DYRK1A: variants seen among roughly 807,000 people sequenced by gnomAD.
DYRK1A encodes the protein dual specificity tyrosine phosphorylation regulated kinase 1A, also known as dual specificity tyrosine-phosphorylation-regulated kinase 1A.
A neutral mutation model predicts 79.7 loss-of-function variants in DYRK1A; 9 were observed. That is an observed-to-expected ratio of 0.11 (90% CI 0.07 to 0.20). The LOEUF (loss-of-function observed/expected upper bound fraction) is 0.20. Ranked by LOEUF, DYRK1A falls within the 10% of genes least tolerant of loss-of-function variation. The pLI is 1.00. For missense variants in DYRK1A, 622 were observed against 956.0 expected (o/e 0.65, Z 4.61); for synonymous variants, 349 against 329.7 (o/e 1.06, Z -0.63).
intron 2 of DYRK1A, among the ~76,000 whole-genome samples, chr21:37,438,411 TTTG>T (rs975820722): frequency 1.2e-4 from 18 of 150,828 alleles, no homozygotes; most frequent in African/African-American, 2.5e-4. Context: ...TTTGCCTATG[TTTG>T]TTGTTGTTTT....
chr21:37,402,930 A>C lies in DYRK1A; in HGVS notation c.-76-17369A>C, dbSNP rs139061363. ...AGGTATGCACCACTATGCCTGCCTAATTTTTGTATTTTTAGTAGAGATGGG... is the reference window on the plus strand; with the variant it reads ...AGGTATGCACCACTATGCCTGCCTACTTTTTGTATTTTTAGTAGAGATGGG... On this transcript the variant is annotated intron_variant, in intron 1 of 11. Transcript: ENST00000647188. Among the ~76,000 whole-genome samples the C allele has an allele frequency of 3.5e-3, 534 of 151,936 alleles. 2 individuals carry two copies. The Middle Eastern group carries it at 0.045, about 13-fold the overall frequency.
chr21:37,431,499 G>A (rs191411935), intron 2 of DYRK1A, among the ~76,000 whole-genome samples: 3 of 152,240 alleles, frequency 2.0e-5, no homozygotes, highest in Admixed American at 6.5e-5. Context: ...TTTGGGTTTC[G>A]ACCGGGTGTT....
At chr21:37,428,279 G>A (rs1279388677) in intron 2 of DYRK1A, among the ~76,000 whole-genome samples, 2 of 152,158 alleles carry the variant, frequency 1.3e-5, no homozygotes, top group Non-Finnish European at 2.9e-5. Context: ...TTTTTGTATG[G>A]GAGAACTAAG....
intron 2 of DYRK1A, among the ~76,000 whole-genome samples, chr21:37,442,503 A>G (rs904253625): frequency 6.6e-6 from 1 of 152,086 alleles, no homozygotes; most frequent in African/African-American, 2.4e-5. Context: ...TTTCTGTACT[A>G]TCTAACCTTT....
At position 37,512,499 on chromosome 21, in the gene DYRK1A, T is replaced by G; in HGVS notation, c.2233T>G (p.Cys745Gly). The G allele has an allele frequency of 6.2e-7, 1 of 1,614,162 alleles. No homozygotes were observed. Reference sequence around the variant, plus strand: ...AGAAGAGTCCCCCATGACAGGAGTTTGTGTGCAACAGAGTCCTGTAGCTAG... The same window carrying G: ...AGAAGAGTCCCCCATGACAGGAGTTGGTGTGCAACAGAGTCCTGTAGCTAG... ...DREESPMTGV[C>G]VQQSPVASS The change falls in exon 12 of 12, where the codon TGT becomes GGT. Residue 745 changes from cysteine (C) to glycine (G), a missense_variant. This residue lies in a region of DYRK1A where 292 missense variants were observed against 316.7 expected (regional missense o/e 0.92). Coordinates refer to ENST00000647188, the MANE Select transcript of DYRK1A (RefSeq NM_001347721.2).
chr21:37,380,646 A>G (rs192518250), intron 1 of DYRK1A, among the ~76,000 whole-genome samples: 2 of 152,292 alleles, frequency 1.3e-5, no homozygotes, highest in African/African-American at 4.8e-5. Context: ...GGGAAGGTCA[A>G]AGAATAAGGA....
intron 2 of DYRK1A, among the ~76,000 whole-genome samples, chr21:37,457,993 A>G (rs2051709380): frequency 6.6e-6 from 1 of 152,214 alleles, no homozygotes; most frequent in African/African-American, 2.4e-5. Flanking sequence ...GGCATAGCTG[A>G]AGGTCTGAGG....
At chr21:37,366,609 G>C (rs1426561495), upstream of DYRK1A, among the ~76,000 whole-genome samples, 3 of 151,880 alleles carry the variant, frequency 2.0e-5, no homozygotes, top group Admixed American at 2.0e-4. Flanking sequence ...GACCTGAGGG[G>C]GTTGGGTGGT....
chr21:37,439,620 GA>G (rs2051030917), intron 2 of DYRK1A, among the ~76,000 whole-genome samples: 1 of 152,156 alleles, frequency 6.6e-6, no homozygotes, highest in Admixed American at 6.5e-5. Context: ...TGCTTCTTAT[GA>G]GAGTCTAATG....
At chr21:37,469,500 C>T (rs942379784) in intron 2 of DYRK1A, among the ~76,000 whole-genome samples, 6 of 152,164 alleles carry the variant, frequency 3.9e-5, no homozygotes, top group Non-Finnish European at 7.3e-5. Flanking sequence ...ATACCTGAGA[C>T]TGGGCAATTT....
rs2053831413 is a variant in DYRK1A at position 37,513,942 on chromosome 21, G to A, written c.*1411G>A. On this transcript the variant is annotated 3_prime_UTR_variant, in exon 12 of 12. Transcript: ENST00000647188. ...AGTTGAAAATTATGGCTGTACTATT[G>A]CTTAAACAAAACTGGAACTGTTGTT... The A allele has an allele frequency of 6.6e-6, 1 of 152,518 alleles. No individual in the cohort carries two copies. Among genetic ancestry groups the A allele is most frequent in the African/African-American group, 2.4e-5 (1 of 41,392 alleles). 9.4% of individuals were successfully genotyped at this position (152,518 alleles called of 1,614,324 possible).
chr21:37,490,229 T>C lies in DYRK1A; in HGVS notation c.692T>C (p.Met231Thr). 6.2e-7 allele frequency: 1 copy of C among 1,613,780 alleles called. No homozygotes were observed. Among genetic ancestry groups the C allele is most frequent in the Non-Finnish European group, 8.5e-7 (1 of 1,179,726 alleles). ...AACCATCTCTGTTTAGTTTTTGAAA[T>C]GCTGTCCTACAACCTCTATGACTTG... The part of the protein sequence containing the change: ...FRNHLCLVFE[M>T]LSYNLYDLLR... The change falls in exon 7 of 12, where the codon ATG becomes ACG. Residue 231 changes from methionine (M) to threonine (T), a missense_variant. Physicochemically the swap from Met to Thr is moderately conservative, Grantham distance 81 (BLOSUM62 -1). Around this residue, in one of 5 missense-constraint regions of DYRK1A, gnomAD observed 138 missense variants for 346.4 expected, o/e 0.40. Transcript: ENST00000647188.
chr21:37,397,900 G>A (rs2049984230), intron 1 of DYRK1A, among the ~76,000 whole-genome samples: 1 of 151,834 alleles, frequency 6.6e-6, no homozygotes, highest in Non-Finnish European at 1.5e-5. Context: ...AGGATTCAGA[G>A]AGCATGAGAT....
Position 37,504,937 on chromosome 21 carries a change from C to T in DYRK1A, c.1213-346C>T, listed in dbSNP as rs543201033. ...AAAATGCTTTTAGCCTTGTGGACCT[C>T]TGTTGCATATTTTTTGTTTTTGGTT... On this transcript the variant is annotated intron_variant, in intron 9 of 11. Transcript: ENST00000647188. 10 of 208,248 alleles carry T rather than the reference C, an allele frequency of 4.8e-5. No homozygotes were observed. The South Asian group carries it at 7.3e-4, about 15-fold the overall frequency. The allele number at this position is 208,248 out of a possible 1,614,324, so 12.9% of individuals were successfully genotyped here.
chr21:37,376,260 A>G (rs1237274628), intron 1 of DYRK1A, among the ~76,000 whole-genome samples: 1 of 152,202 alleles, frequency 6.6e-6, no homozygotes, highest in Non-Finnish European at 1.5e-5. Flanking sequence ...CTGTAATCGC[A>G]GCACTTTGGG....
In DYRK1A at chr21:37,496,217, G is replaced by A; in HGVS notation, c.1171G>A (p.Asp391Asn). ...AAGAAAGTTCTTTGAGAAGTTGCCA[G>A]ATGGCACTTGGAACTTAAAGAAGAC... ...KARKFFEKLP[D>N]GTWNLKKTKD... The change falls in exon 9 of 12, where the codon GAT becomes AAT. Residue 391 changes from aspartate (D) to asparagine (N), a missense_variant. This residue lies in a region of DYRK1A where 80 missense variants were observed against 116.5 expected (regional missense o/e 0.69). Coordinates refer to ENST00000647188, the MANE Select transcript of DYRK1A (RefSeq NM_001347721.2). 1 of 1,614,098 alleles carries A rather than the reference G, an allele frequency of 6.2e-7. No individual in the cohort carries two copies. The highest frequency in any genetic ancestry group is 1.3e-5 in the African/African-American group (1 of 75,060).
At chr21:37,402,374 C>T (rs767929261) in intron 1 of DYRK1A, among the ~76,000 whole-genome samples, 1 of 152,172 alleles carries the variant, frequency 6.6e-6, no homozygotes, top group Non-Finnish European at 1.5e-5. Flanking sequence ...GGTTTTTTCA[C>T]TGAATGTAGA....
chr21:37,403,646 A>ATAT (rs1226212005), intron 1 of DYRK1A, among the ~76,000 whole-genome samples: 51 of 96,562 alleles, frequency 5.3e-4, no homozygotes, highest in Admixed American at 8.2e-4. Context: ...AAAAAAAAAA[A>ATAT]AAATATATAT....
chr21:37,402,542 C>T (rs1394661936), intron 1 of DYRK1A, among the ~76,000 whole-genome samples: 1 of 152,168 alleles, frequency 6.6e-6, no homozygotes, highest in Non-Finnish European at 1.5e-5. Flanking sequence ...TTCTATTTCT[C>T]TGCTTTAAGC....
Sources: allele counts gnomAD v4.1 joint callset (sites outside exome capture counted in the v4.1 genomes callset), GRCh38; gene constraint gnomAD v4.1.1; regional missense constraint gnomAD v4.1.1; transcripts MANE v1.5; gene names NCBI Gene and HGNC (gene_info 2026-07-23, HGNC 2026-07-21).